CDH12: variants seen among roughly 807,000 people sequenced by gnomAD.
CDH12 encodes cadherin 12.
A neutral mutation model predicts 74.1 loss-of-function variants in CDH12; 41 were observed. The ratio of observed to expected loss-of-function variants is 0.55; its 90% confidence interval spans 0.43 to 0.72. The LOEUF (loss-of-function observed/expected upper bound fraction) is 0.72, where lower values mean the gene tolerates loss of function less well. Among genes scored for constraint, CDH12 ranks in the 30% least tolerant of loss-of-function variants. The pLI is 0.00. For missense variants in CDH12, 945 were observed against 977.2 expected (o/e 0.97, Z 0.44); for synonymous variants, 399 against 355.0 (o/e 1.12, Z -1.39).
At chr5:21,761,280 T>C (rs563457360) in intron 12 of CDH12, among the ~76,000 whole-genome samples, 1 of 152,304 alleles carries the variant, frequency 6.6e-6, no homozygotes, top group South Asian at 2.1e-4. Flanking sequence ...ATACGTTGTG[T>C]ATCTTACAGT....
chr5:22,014,312 T>C (rs1327896171), intron 5 of CDH12, among the ~76,000 whole-genome samples: 1 of 152,140 alleles, frequency 6.6e-6, no homozygotes, highest in Non-Finnish European at 1.5e-5. Flanking sequence ...GAATATCCCA[T>C]AACACTGCAC....
intron 5 of CDH12, among the ~76,000 whole-genome samples, chr5:21,977,533 A>T (rs1757122421): frequency 1.3e-5 from 2 of 152,306 alleles, no homozygotes; most frequent in African/African-American, 4.8e-5. Flanking sequence ...AACTGAGTGA[A>T]AATTCAGAGT....
intron 5 of CDH12, among the ~76,000 whole-genome samples, chr5:22,062,410 G>A (rs188855614): frequency 1.3e-5 from 2 of 152,164 alleles, no homozygotes; most frequent in African/African-American, 4.8e-5. Flanking sequence ...ATTCAAAAAT[G>A]ACTATTTCAA....
At chr5:22,847,206 C>A (rs971437036) in intron 1 of CDH12, among the ~76,000 whole-genome samples, 4 of 152,118 alleles carry the variant, frequency 2.6e-5, no homozygotes, top group Admixed American at 2.6e-4. Context: ...TTGAGGTTTT[C>A]TATTCTTACC....
chr5:22,308,530 T>C (rs558054609), intron 3 of CDH12, among the ~76,000 whole-genome samples: 1 of 152,168 alleles, frequency 6.6e-6, no homozygotes, highest in African/African-American at 2.4e-5. Context: ...CCAATTGTTC[T>C]GAAATTAAAT....
chr5:22,611,239 C>T (rs1057350967), intron 1 of CDH12, among the ~76,000 whole-genome samples: 1 of 152,018 alleles, frequency 6.6e-6, no homozygotes, highest in Admixed American at 6.6e-5. Context: ...ATTTTATACA[C>T]ACTTAAACTT....
chr5:21,833,417 CATT>C (rs753518124), intron 8 of CDH12, among the ~76,000 whole-genome samples: 244 of 89,054 alleles, frequency 2.7e-3, no homozygotes, highest in South Asian at 5.4e-3. Flanking sequence ...ATGTAATATA[CATT>C]ATTATATATT....
intron 1 of CDH12, among the ~76,000 whole-genome samples, chr5:22,742,107 G>A (rs1745056192): frequency 6.6e-6 from 1 of 151,900 alleles, no homozygotes; most frequent in South Asian, 2.1e-4. Context: ...ACTTGAACGT[G>A]GGAAGTGGAG....
chr5:22,653,448 C>G (rs906356797), intron 1 of CDH12, among the ~76,000 whole-genome samples: 1 of 148,230 alleles, frequency 6.7e-6, no homozygotes, highest in Non-Finnish European at 1.5e-5. Context: ...TAGCTCAGAT[C>G]AAAAAGGAAA....
intron 9 of CDH12, among the ~76,000 whole-genome samples, chr5:21,809,522 C>T (rs1159076128): frequency 6.6e-6 from 1 of 152,110 alleles, no homozygotes; most frequent in African/African-American, 2.4e-5. Context: ...CTATGATTTA[C>T]AGCAAGCTGT....
At chr5:22,413,066 T>G (rs1000382022) in intron 2 of CDH12, among the ~76,000 whole-genome samples, 11 of 152,162 alleles carry the variant, frequency 7.2e-5, no homozygotes, top group African/African-American at 2.6e-4. Context: ...TGTCATTGCT[T>G]TTGCTATTAT....
At chr5:21,821,239 G>T (rs1416559699) in intron 8 of CDH12, among the ~76,000 whole-genome samples, 1 of 151,532 alleles carries the variant, frequency 6.6e-6, no homozygotes, top group Non-Finnish European at 1.5e-5. Context: ...AAAAAAAAAG[G>T]ATGTAAAATA....
intron 2 of CDH12, among the ~76,000 whole-genome samples, chr5:22,497,918 C>G (rs1306338307): frequency 1.3e-5 from 2 of 152,172 alleles, no homozygotes; most frequent in East Asian, 1.9e-4. Flanking sequence ...GCTGGGATTA[C>G]AGGGATGAGC....
At chr5:21,914,759 T>C (rs1041737932) in intron 6 of CDH12, among the ~76,000 whole-genome samples, 1 of 152,226 alleles carries the variant, frequency 6.6e-6, no homozygotes, top group Non-Finnish European at 1.5e-5. Context: ...CAACTGATAA[T>C]GGATGTTAAC....
Position 22,235,068 on chromosome 5 carries a change from CTTA to C in CDH12, c.-332-22428_-332-22426del, listed in dbSNP as rs575753077. Among the ~76,000 whole-genome samples, 706 of 152,190 alleles carry C rather than the reference CTTA, an allele frequency of 4.6e-3. 8 individuals carry two copies. Among genetic ancestry groups the C allele is most frequent in the Non-Finnish European group, 6.4e-3 (436 of 68,018 alleles). ...TTTGACTATCGTAAAGAAATAATAT[CTTA>C]TTATTTACACATACTTGAATTTTAT... On this transcript the variant is annotated intron_variant, in intron 3 of 14. Transcript: ENST00000382254.
intron 6 of CDH12, among the ~76,000 whole-genome samples, chr5:21,902,727 A>C (rs1229969638): frequency 1.3e-5 from 2 of 152,200 alleles, no homozygotes; most frequent in African/African-American, 4.8e-5. Flanking sequence ...TAATATAAAT[A>C]AGAAACTAAA....
At chr5:21,848,663 A>G (rs1001560322) in intron 7 of CDH12, among the ~76,000 whole-genome samples, 1 of 151,914 alleles carries the variant, frequency 6.6e-6, no homozygotes, top group Admixed American at 6.6e-5. Context: ...AGACAAGAAG[A>G]GTTATCAGGT....
intron 1 of CDH12, among the ~76,000 whole-genome samples, chr5:22,512,421 G>T (rs1736650694): frequency 6.6e-6 from 1 of 152,144 alleles, no homozygotes; most frequent in African/African-American, 2.4e-5. Context: ...CCAGAAAAAT[G>T]TAAGCTGAGA....
chr5:22,728,047 A>T (rs1298170506), intron 1 of CDH12, among the ~76,000 whole-genome samples: 1 of 151,830 alleles, frequency 6.6e-6, no homozygotes, highest in Non-Finnish European at 1.5e-5. Context: ...ATCTTATTAT[A>T]ATGTGAGATT....
Sources: allele counts gnomAD v4.1 joint callset (sites outside exome capture counted in the v4.1 genomes callset), GRCh38; gene constraint gnomAD v4.1.1; transcripts MANE v1.5; gene names NCBI Gene and HGNC (gene_info 2026-07-23, HGNC 2026-07-21).